BCAR1: variants seen among roughly 807,000 people sequenced by gnomAD.
BCAR1 encodes the protein BCAR1 scaffold protein, Cas family member.
BCAR1 carries 30 observed loss-of-function variants against 67.6 expected under a neutral mutation model. The observed-to-expected ratio is 0.44, with a 90% CI of 0.33 to 0.60. The LOEUF is 0.60. Among genes scored for constraint, BCAR1 ranks in the 20% least tolerant of loss-of-function variants. The pLI is 0.02. For synonymous variants in BCAR1, 626 were observed against 556.7 expected, an observed-to-expected ratio of 1.12 and a Z score of -1.75; for missense variants, 1,313 against 1,222.3, an observed-to-expected ratio of 1.07 and a Z score of -1.11.
At position 75,235,729 on chromosome 16, in the gene BCAR1, G is replaced by C. The variant is rs754088825; in HGVS notation, c.1170C>G (p.Pro390=). 6.2e-7 allele frequency: 1 copy of C among 1,605,580 alleles called. No individual in the cohort carries two copies. The highest frequency in any genetic ancestry group is 2.2e-5 in the East Asian group (1 of 44,796). The change falls in exon 5 of 7, where the codon CCC becomes CCG. Residue 390 remains proline (P), a synonymous_variant. Coordinates refer to ENST00000162330, the MANE Select transcript of BCAR1 (RefSeq NM_014567.5). ...CCTCAGGAGGAAGCACCCGTTCACG[G>C]GGCACATCGTACAGGGTGCCCGGGC... is the stretch of plus-strand genomic sequence containing the variant. ...RPGPGTLYDV[P]RERVLPPEVA...
chr16:75,231,240 A>C (rs1054322467), intron 6 of BCAR1, among the ~76,000 whole-genome samples: 1 of 150,520 alleles, frequency 6.6e-6, no homozygotes, highest in Non-Finnish European at 1.5e-5. Context: ...CTGCGCCACC[A>C]CCCCTGGCTA....
intron 1 of BCAR1, among the ~76,000 whole-genome samples, chr16:75,267,309 G>T (rs2078022428): frequency 1.3e-5 from 2 of 151,790 alleles, no homozygotes; most frequent in Non-Finnish European, 2.9e-5. Flanking sequence ...CCTCTTGAGT[G>T]GGGTTCCCAA....
intron 1 of BCAR1, chr16:75,247,015 C>G (rs2077540780): frequency 6.6e-6 from 1 of 152,398 alleles, no homozygotes; most frequent in South Asian, 2.1e-4. Context: ...TACCCTACTC[C>G]TGCCGCACCC....
At chr16:75,264,680 C>T in intron 1 of BCAR1, 4 of 1,246,100 alleles carry the variant, frequency 3.2e-6, no homozygotes, top group Non-Finnish European at 4.0e-6. Flanking sequence ...TGCACTTGGC[C>T]AGCTTCCCTC....
chr16:75,249,075 C>T (rs1159483141), intron 1 of BCAR1: 2 of 152,778 alleles, frequency 1.3e-5, no homozygotes, highest in African/African-American at 4.8e-5. Flanking sequence ...GACATGGAAC[C>T]TGCAACCCAA....
At chr16:75,248,408 T>A in intron 1 of BCAR1, 1 of 1,151,424 alleles carries the variant, frequency 8.7e-7, no homozygotes, top group Non-Finnish European at 1.1e-6. Flanking sequence ...CCAAAGAGCC[T>A]CCGTGGCCAA....
At chr16:75,260,326 G>C (rs752691525) in intron 1 of BCAR1, among the ~76,000 whole-genome samples, 6 of 152,076 alleles carry the variant, frequency 3.9e-5, no homozygotes, top group Non-Finnish European at 7.4e-5. Context: ...ATGGCTACAT[G>C]AAGGTCTGTA....
In BCAR1 at chr16:75,237,090, C is replaced by T. The variant is rs944508663; in HGVS notation, c.796-92G>A. On this transcript the variant is annotated intron_variant, in intron 3 of 6. Coordinates refer to ENST00000162330, the MANE Select transcript of BCAR1 (RefSeq NM_014567.5). ...CCCGCAGCACCGTCCCCAGGCCTGG[C>T]CGGGGCTGAGAAGATGCAGCTCTCG... 5.3e-6 allele frequency: 8 copies of T among 1,510,138 alleles called. No individual in the cohort carries two copies. The African/African-American group carries it at 5.6e-5, about 11-fold the overall frequency. 93.5% of individuals were successfully genotyped at this position (1,510,138 alleles called of 1,614,324 possible).
intron 1 of BCAR1, chr16:75,266,689 AG>A: frequency 7.5e-7 from 1 of 1,335,716 alleles, no homozygotes; most frequent in East Asian, 2.8e-5. Context: ...TACATTTCAT[AG>A]GCCCAGGCAC....
chr16:75,229,161 T>C lies in BCAR1; in HGVS notation c.*350A>G, dbSNP rs1597142227. On this transcript the variant is annotated 3_prime_UTR_variant, in exon 7 of 7. Transcript: ENST00000162330. Reference sequence around the variant, plus strand: ...GACACACCAAACTGCACTGGCCCTGTCAGGGGACACGGCACCCTCGTGGGA... The same window carrying C: ...GACACACCAAACTGCACTGGCCCTGCCAGGGGACACGGCACCCTCGTGGGA... 7.7e-6 allele frequency: 2 copies of C among 258,478 alleles called. No homozygotes were observed. The highest frequency in any genetic ancestry group is 7.3e-5 in the East Asian group (1 of 13,606). 16.0% of individuals were successfully genotyped at this position (258,478 alleles called of 1,614,324 possible).
chr16:75,249,147 T>A (rs1357065768), intron 1 of BCAR1: 1 of 152,226 alleles, frequency 6.6e-6, no homozygotes, highest in African/African-American at 2.4e-5. Context: ...GCAGGCAGGA[T>A]CAGCGGTGTT....
intron 2 of BCAR1, chr16:75,239,064 G>A (rs930351688): frequency 4.1e-6 from 4 of 985,330 alleles, no homozygotes; most frequent in Non-Finnish European, 4.8e-6. Flanking sequence ...TGCCACTCTT[G>A]GAGCTGAGTC....
chr16:75,263,228 G>T, intron 1 of BCAR1: 1 of 971,524 alleles, frequency 1.0e-6, no homozygotes, highest in Non-Finnish European at 1.2e-6. Flanking sequence ...CCTCTCTGCA[G>T]CTGGAAGCTG....
upstream of BCAR1, among the ~76,000 whole-genome samples, chr16:75,252,606 A>G (rs1418167125): frequency 1.3e-5 from 2 of 151,814 alleles, no homozygotes; most frequent in Admixed American, 6.6e-5. Context: ...CAGACCAGAC[A>G]GGACCCTCAG....
In BCAR1 at chr16:75,266,230, T is replaced by G. The variant is rs941529553; in HGVS notation, c.66+1685A>C. 165 of 184,506 alleles carry G rather than the reference T, an allele frequency of 8.9e-4. 2 individuals are homozygous for G. Among genetic ancestry groups the G allele is most frequent in the Non-Finnish European group, 2.9e-4 (28 of 96,990 alleles). The allele number at this position is 184,506 out of a possible 1,614,324, so 11.4% of individuals were successfully genotyped here. The stretch of plus-strand genomic sequence containing the variant: ...CACTGCCCTGTGGCCCTGGCCGGGC[T>G]CCTAGGCCCTGTGTCCGGGCGCAGA... On this transcript the variant is annotated intron_variant, in intron 1 of 6. Transcript: ENST00000393422.
chr16:75,251,674 G>C (rs1437933580), upstream of BCAR1: 1 of 995,694 alleles, frequency 1.0e-6, no homozygotes, highest in African/African-American at 1.7e-5. Context: ...CCCGATCCCA[G>C]CATGCCCGGC....
intron 1 of BCAR1, chr16:75,263,776 C>T (rs1410970375): frequency 2.3e-5 from 23 of 986,832 alleles, no homozygotes; most frequent in Non-Finnish European, 2.8e-5. Context: ...TGAGCAGTCG[C>T]CACTCTGGGT....
chr16:75,250,649 C>T, intron 1 of BCAR1: 16 of 985,504 alleles, frequency 1.6e-5, no homozygotes, highest in South Asian at 4.7e-5. Flanking sequence ...GGCAAATCTC[C>T]GCTTTCCCAA....
chr16:75,267,399 G>A, intron 1 of BCAR1, among the ~76,000 whole-genome samples: 2 of 148,044 alleles, frequency 1.4e-5, no homozygotes, highest in African/African-American at 5.2e-5. Flanking sequence ...CAAGCCGGGG[G>A]GGGGGTGGGG....
Sources: gnomAD v4.1 joint callset for allele counts (sites outside exome capture counted in the v4.1 genomes callset) on GRCh38, gnomAD v4.1.1 for gene constraint, MANE v1.5 for transcripts, NCBI Gene and HGNC (gene_info 2026-07-23, HGNC 2026-07-21) for gene names.